Variants in PKD1L3 observed in about 807,000 individuals in gnomAD.
PKD1L3 encodes polycystin 1 like 3, transient receptor potential channel interacting.
PKD1L3 carries 239 observed loss-of-function variants against 184.1 expected under a neutral mutation model. The ratio of observed to expected loss-of-function variants is 1.30; its 90% CI spans 1.17 to 1.45. The LOEUF (loss-of-function observed/expected upper bound fraction) is 1.45, where lower values mean the gene tolerates loss of function less well. Ranked by LOEUF, PKD1L3 falls within the 40% of genes most tolerant of loss-of-function variation. The pLI is 0.00. For missense variants in PKD1L3, 2,660 were observed against 2,067.2 expected (o/e 1.29, Z -5.56); for synonymous variants, 996 against 778.8 (o/e 1.28, Z -4.64).
At chr16:71,990,898 T>C (rs1388425149) in intron 3 of PKD1L3, among the ~76,000 whole-genome samples, 2 of 152,152 alleles carry the variant, frequency 1.3e-5, no homozygotes, top group African/African-American at 4.8e-5. Context: ...AAGCTGTTAA[T>C]ACATCCTTAA....
rs780152784 is a variant in PKD1L3 at position 71,944,193 on chromosome 16, C to T, written c.3719-23G>A. On this transcript the variant is annotated intron_variant, in intron 22 of 29. Coordinates refer to ENST00000620267, the MANE Select transcript of PKD1L3 (RefSeq NM_181536.2). Reference sequence around the variant, plus strand: ...TTGCTGTCAAAAATTCAAATATAGACCAAAGAAATGTTATATTTCATTAAG... The same window carrying T: ...TTGCTGTCAAAAATTCAAATATAGATCAAAGAAATGTTATATTTCATTAAG... 1.0e-4 allele frequency: 153 copies of T among 1,534,268 alleles called. No individual in the cohort carries two copies. The South Asian group carries it at 1.7e-3, about 17-fold the overall frequency.
intron 25 of PKD1L3, among the ~76,000 whole-genome samples, chr16:71,937,067 T>C (rs73590035): frequency 0.04 from 6,058 of 151,952 alleles, 398 homozygotes; most frequent in African/African-American, 0.14. Context: ...TCATCATCAT[T>C]ATTTTTGAGA....
intron 9 of PKD1L3, among the ~76,000 whole-genome samples, chr16:71,979,072 T>C (rs998519507): frequency 1.3e-5 from 2 of 152,204 alleles, no homozygotes; most frequent in African/African-American, 4.8e-5. Context: ...AGGTAACTGC[T>C]GAAAGGAATA....
chr16:71,945,183 G>A (rs1407759284), intron 22 of PKD1L3, among the ~76,000 whole-genome samples: 1 of 143,984 alleles, frequency 6.9e-6, no homozygotes, highest in African/African-American at 2.6e-5. Flanking sequence ...GGTATTCTCA[G>A]ATTTTAATGT....
chr16:71,972,880 C>A (rs1333462410), intron 12 of PKD1L3, among the ~76,000 whole-genome samples: 1 of 152,104 alleles, frequency 6.6e-6, no homozygotes, highest in Non-Finnish European at 1.5e-5. Context: ...CAGTTGGACA[C>A]CAGGAACAAG....
In PKD1L3 at chr16:71,974,187, A is replaced by G. The variant is rs116523411; in HGVS notation, c.1760-670T>C. Among the ~76,000 whole-genome samples, 674 of 152,302 alleles carry G rather than the reference A, an allele frequency of 4.4e-3. 8 individuals carry two copies. Among genetic ancestry groups the G allele is most frequent in the African/African-American group, 0.015 (631 of 41,574 alleles). ...ATAGAGATAGGGCAGCTTCAGGAAC[A>G]AAGCCCAGGACTGCACGCTAGGGAC... is the stretch of plus-strand genomic sequence containing the variant. On this transcript the variant is annotated intron_variant, in intron 11 of 29. Coordinates refer to ENST00000620267, the MANE Select transcript of PKD1L3 (RefSeq NM_181536.2).
intron 16 of PKD1L3, among the ~76,000 whole-genome samples, chr16:71,959,462 A>G (rs1017831156): frequency 1.8e-4 from 28 of 152,184 alleles, no homozygotes; most frequent in Non-Finnish European, 7.3e-5. Context: ...ACAGAAAACT[A>G]GAATAAACAG....
chr16:71,959,140 G>C, intron 16 of PKD1L3, among the ~76,000 whole-genome samples: 1 of 150,070 alleles, frequency 6.7e-6, no homozygotes, highest in East Asian at 1.9e-4. Flanking sequence ...GGCTGGGCAC[G>C]GTGGCCCTCA....
chr16:71,935,625 C>T, intron 25 of PKD1L3, 107 bp from the exon 26 acceptor site: 2 of 1,045,706 alleles, frequency 1.9e-6, no homozygotes, highest in South Asian at 1.7e-5. Context: ...AAGCACACTG[C>T]CAGGCATTTA....
At position 71,953,091 on chromosome 16, in the gene PKD1L3, G is replaced by A. The variant is rs552254021; in HGVS notation, c.2812C>T (p.Arg938Cys). 10 of 1,446,270 alleles carry A rather than the reference G, an allele frequency of 6.9e-6. No homozygotes were observed. The Admixed American group carries it at 9.9e-5, about 14-fold the overall frequency. The allele number at this position is 1,446,270 out of a possible 1,614,324, so 89.6% of individuals were successfully genotyped here. ...STTAKRDEQM[R>C]PFAVAWSELL... ...TCAGACCAGGCCACAGCAAATGGAC[G>A]CACTGAAAGAAAAGCATGACATCAA... The change falls in exon 18 of 30, where the codon CGT (arginine) becomes TGT (cysteine). Residue 938 changes from arginine to cysteine, a missense_variant and splice_region_variant. By Grantham distance (180) the Arg-to-Cys change is radical (BLOSUM62 -3). Transcript: ENST00000620267.
intron 9 of PKD1L3, 63 bp downstream of exon 9, chr16:71,979,723 C>G (rs2040074401): frequency 1.4e-6 from 2 of 1,450,318 alleles, no homozygotes; most frequent in Non-Finnish European, 9.1e-7. Context: ...TTACTTTCAC[C>G]CAAATGCCTA....
rs184115791 is a variant in PKD1L3 at position 71,987,191 on chromosome 16, A to G, written c.586-722T>C. Reference sequence around the variant, plus strand: ...ACCCACCTTGGCCTCCCAAAGTGCTAGGATTACAGGCGTGAGCCACTGCAC... The same window carrying G: ...ACCCACCTTGGCCTCCCAAAGTGCTGGGATTACAGGCGTGAGCCACTGCAC... On this transcript the variant is annotated intron_variant, in intron 4 of 29. Coordinates refer to ENST00000620267, the MANE Select transcript of PKD1L3 (RefSeq NM_181536.2). 3.7e-3 allele frequency among the ~76,000 whole-genome samples: 557 copies of G among 150,170 alleles called. 5 individuals carry two copies. Among genetic ancestry groups the G allele is most frequent in the African/African-American group, 0.013 (513 of 40,828 alleles).
intron 11 of PKD1L3, among the ~76,000 whole-genome samples, chr16:71,974,617 G>C (rs2039849244): frequency 6.6e-6 from 1 of 152,230 alleles, no homozygotes; most frequent in African/African-American, 2.4e-5. Context: ...CCAGGAGGCG[G>C]AGGCTACAGT....
chr16:71,942,453 T>C (rs1597288441), intron 24 of PKD1L3, 107 bp downstream of exon 24: 1 of 950,410 alleles, frequency 1.1e-6, no homozygotes, highest in East Asian at 2.6e-5. Context: ...ACCTCTCTTG[T>C]ACTCTTCCAG....
chr16:71,972,740 GCT>G (rs1334896534), intron 12 of PKD1L3, among the ~76,000 whole-genome samples: 1 of 152,080 alleles, frequency 6.6e-6, no homozygotes, highest in Non-Finnish European at 1.5e-5. Context: ...CACTTTCTCA[GCT>G]CTTTTTAGAA....
intron 26 of PKD1L3, among the ~76,000 whole-genome samples, chr16:71,934,680 C>T (rs2038113629): frequency 6.6e-6 from 1 of 152,132 alleles, no homozygotes; most frequent in Non-Finnish European, 1.5e-5. Flanking sequence ...TTGCAGCAAC[C>T]AGGTTACTTG....
intron 18 of PKD1L3, among the ~76,000 whole-genome samples, chr16:71,952,016 G>A (rs1447175001): frequency 6.6e-6 from 1 of 151,996 alleles, no homozygotes; most frequent in Non-Finnish European, 1.5e-5. Context: ...GTGGTACCAT[G>A]CACTCCCATT....
intron 21 of PKD1L3, among the ~76,000 whole-genome samples, chr16:71,949,195 AGT>A (rs1001985117): frequency 2.0e-5 from 3 of 151,652 alleles, no homozygotes; most frequent in Non-Finnish European, 4.4e-5. Flanking sequence ...AAACATTTTA[AGT>A]TTTTTGTTGT....
intron 24 of PKD1L3, among the ~76,000 whole-genome samples, chr16:71,937,807 T>C (rs2038231447): frequency 6.6e-6 from 1 of 152,168 alleles, no homozygotes; most frequent in Non-Finnish European, 1.5e-5. Flanking sequence ...TACATAAGGA[T>C]GGACTAAAAG....
Sources: gnomAD v4.1 joint callset for allele counts (sites outside exome capture counted in the v4.1 genomes callset) on GRCh38, gnomAD v4.1.1 for gene constraint, MANE v1.5 for transcripts, NCBI Gene and HGNC (gene_info 2026-07-23, HGNC 2026-07-21) for gene names.